The following FBLN2 variants were observed in gnomAD, a reference collection of about 807,000 sequenced individuals.
The protein encoded by FBLN2 is fibulin 2, also known as fibulin-2.
FBLN2 carries 81 observed loss-of-function variants against 123.7 expected under a neutral mutation model. That is an observed-to-expected ratio of 0.65 (90% CI 0.55 to 0.79). FBLN2 has a LOEUF of 0.79. FBLN2 is among the 30% of genes least tolerant of loss of function. FBLN2 has a pLI of 0.00. For synonymous variants in FBLN2, 699 were observed against 701.4 expected (o/e 1.00, Z 0.05); for missense variants, 1,603 against 1,681.3 (o/e 0.95, Z 0.81).
At chr3:13,609,688 G>GGCC in intron 4 of FBLN2, 46 bp downstream of exon 4, 2 of 512,604 alleles carry the variant, frequency 3.9e-6, no homozygotes, top group Non-Finnish European at 7.2e-6. Flanking sequence ...GTGGGGCGGG[G>GGCC]CGGGAGGCTG....
chr3:13,586,082 G>A (rs938925176), intron 2 of FBLN2, among the ~76,000 whole-genome samples: 1 of 152,194 alleles, frequency 6.6e-6, no homozygotes, highest in Non-Finnish European at 1.5e-5. Flanking sequence ...CCCTTAAGAC[G>A]TCCCAGCGGG....
chr3:13,637,204 A>G (rs1306146015), intron 17 of FBLN2, among the ~76,000 whole-genome samples: 1 of 152,156 alleles, frequency 6.6e-6, no homozygotes, highest in East Asian at 1.9e-4. Context: ...TGCACTGGGA[A>G]GAAGGGAGAA....
chr3:13,596,474 A>T (rs544827158), intron 2 of FBLN2, among the ~76,000 whole-genome samples: 2 of 152,360 alleles, frequency 1.3e-5, no homozygotes, highest in African/African-American at 4.8e-5. Flanking sequence ...TCATGGGAGC[A>T]TCTCATCTAT....
At position 13,571,411 on chromosome 3, in the gene FBLN2, G is replaced by A. The variant is rs746188528; in HGVS notation, c.1056G>A (p.Gly352=). Residue 352 remains glycine (G), a synonymous_variant, in exon 2 of 18, where the codon GGG becomes GGA. Transcript: ENST00000404922. ...CCCAAGCCACGTCCCGCAGCACTGG[G>A]CCGGAGGGCGTGACGCATGCACCGA... The part of the protein sequence containing the change: ...LDAQATSRST[G]PEGVTHAPSL... 14 of 1,612,820 alleles carry A rather than the reference G, an allele frequency of 8.7e-6. No homozygotes were observed. In the South Asian group the frequency reaches 8.8e-5, roughly 10 times the overall value.
intron 2 of FBLN2, among the ~76,000 whole-genome samples, chr3:13,580,127 G>T (rs957521228): frequency 6.6e-6 from 1 of 152,186 alleles, no homozygotes; most frequent in Non-Finnish European, 1.5e-5. Context: ...TTGTTCCCCG[G>T]CTGGGGGCAT....
intron 2 of FBLN2, among the ~76,000 whole-genome samples, chr3:13,576,566 A>T (rs1310442022): frequency 6.6e-6 from 1 of 152,220 alleles, no homozygotes; most frequent in Non-Finnish European, 1.5e-5. Context: ...AGGCACAAAG[A>T]TTCAGGAAGG....
chr3:13,575,071 G>A (rs1704092086), intron 2 of FBLN2, among the ~76,000 whole-genome samples: 1 of 152,250 alleles, frequency 6.6e-6, no homozygotes. Context: ...CGGGTGGGCT[G>A]AGGACAGACG....
At position 13,581,688 on chromosome 3, in the gene FBLN2, A is replaced by C. The variant is rs192321794; in HGVS notation, c.1306+10027A>C. Among the ~76,000 whole-genome samples, 234 of 152,260 alleles carry C rather than the reference A, an allele frequency of 1.5e-3. 2 individuals are homozygous for C. Among genetic ancestry groups the C allele is most frequent in the Middle Eastern group, 6.8e-3 (2 of 294 alleles). On this transcript the variant is annotated intron_variant, in intron 2 of 17. Transcript: ENST00000404922. Reference sequence around the variant, plus strand: ...TGGGGATTAAGGAGGGGGAGAATGCAGGCGGTCAGTTCAGTGGGTGCCCCC... The same window carrying C: ...TGGGGATTAAGGAGGGGGAGAATGCCGGCGGTCAGTTCAGTGGGTGCCCCC...
chr3:13,588,867 G>A (rs1704586293), intron 2 of FBLN2, among the ~76,000 whole-genome samples: 1 of 152,128 alleles, frequency 6.6e-6, no homozygotes, highest in South Asian at 2.1e-4. Context: ...ACGTATGATG[G>A]GCTGGAAATT....
chr3:13,609,687 G>GGGGGGT, intron 4 of FBLN2, 45 bp downstream of exon 4: 1 of 463,680 alleles, frequency 2.2e-6, no homozygotes, highest in Non-Finnish European at 4.3e-6. Flanking sequence ...GGTGGGGCGG[G>GGGGGGT]GCGGGAGGCT....
chr3:13,553,976 T>C lies in FBLN2; in HGVS notation c.-42+4768T>C, dbSNP rs531324726. On this transcript the variant is annotated intron_variant, in intron 1 of 17. Transcript: ENST00000404922. ...GAAACAGGAGGAGGGCTCTGAAGTGTGATGAGGCCCAGCTGGGCGCGTGGG... is the reference window on the plus strand; with the variant it reads ...GAAACAGGAGGAGGGCTCTGAAGTGCGATGAGGCCCAGCTGGGCGCGTGGG... Among the ~76,000 whole-genome samples, 23 of 152,276 alleles carry C rather than the reference T, an allele frequency of 1.5e-4. No homozygotes were observed. In the East Asian group the frequency reaches 4.3e-3, roughly 28 times the overall value.
rs1344987411 is a variant in FBLN2 at position 13,609,469 on chromosome 3, G to A, written c.1419-44G>A. On this transcript the variant is annotated intron_variant, in intron 3 of 17. Coordinates refer to ENST00000404922, the MANE Select transcript of FBLN2 (RefSeq NM_001004019.2). Reference sequence around the variant, plus strand: ...CCTCACTCACTTTCCACTCTGGGAGGATGAGGTGGGCGACTGGGGGCTAAG... The same window carrying A: ...CCTCACTCACTTTCCACTCTGGGAGAATGAGGTGGGCGACTGGGGGCTAAG... 9 of 1,514,608 alleles carry A rather than the reference G, an allele frequency of 5.9e-6. No homozygotes were observed. The South Asian group carries it at 8.9e-5, about 15-fold the overall frequency. 93.8% of individuals were successfully genotyped at this position (1,514,608 alleles called of 1,614,324 possible).
intron 1 of FBLN2, among the ~76,000 whole-genome samples, chr3:13,567,882 C>T (rs34416044): frequency 0.032 from 4,924 of 152,206 alleles, 267 homozygotes; most frequent in African/African-American, 0.11. Context: ...CGCTTGAGCT[C>T]GGGAGGTTGA....
At chr3:13,607,895 C>G (rs913576807) in intron 2 of FBLN2, among the ~76,000 whole-genome samples, 167 bp from the exon 3 acceptor site, 1 of 152,180 alleles carries the variant, frequency 6.6e-6, no homozygotes, top group Non-Finnish European at 1.5e-5. Context: ...ACCTCGCAGA[C>G]AGTTCACCAA....
At chr3:13,612,372 CTCTG>C (rs201910468) in intron 4 of FBLN2, among the ~76,000 whole-genome samples, 5,689 of 101,920 alleles carry the variant, frequency 0.056, 402 homozygotes, top group African/African-American at 0.24. Context: ...CTGTCTGTCT[CTCTG>C]TCTGTCTGTC....
intron 1 of FBLN2, among the ~76,000 whole-genome samples, chr3:13,568,226 G>T (rs769039878): frequency 6.6e-6 from 1 of 152,156 alleles, no homozygotes; most frequent in African/African-American, 2.4e-5. Flanking sequence ...CTCCCTGCCC[G>T]TCCATGGCCC....
At chr3:13,587,531 C>T (rs531819105) in intron 2 of FBLN2, among the ~76,000 whole-genome samples, 50 of 152,122 alleles carry the variant, frequency 3.3e-4, no homozygotes, top group Non-Finnish European at 6.8e-4. Context: ...AAATAAAATT[C>T]TAAGGCCCCC....
chr3:13,605,592 TC>T lies in FBLN2; in HGVS notation c.1307-2468del, dbSNP rs1220052161. Reference sequence around the variant, plus strand: ...GTAGCATGGCCCCAGATTTTCCTCATCCTCCCCCCCAGTGATGGACACCCAG... The same window carrying T: ...GTAGCATGGCCCCAGATTTTCCTCATCTCCCCCCCAGTGATGGACACCCAG... On this transcript the variant is annotated intron_variant, in intron 2 of 17. Coordinates refer to ENST00000404922, the MANE Select transcript of FBLN2 (RefSeq NM_001004019.2). Among the ~76,000 whole-genome samples the T allele has an allele frequency of 3.3e-5, 5 of 152,212 alleles. No individual in the cohort carries two copies. The East Asian group carries it at 9.7e-4, about 29-fold the overall frequency.
chr3:13,586,864 T>C (rs943355540), intron 2 of FBLN2, among the ~76,000 whole-genome samples: 3 of 150,124 alleles, frequency 2.0e-5, no homozygotes, highest in Non-Finnish European at 4.4e-5. Flanking sequence ...AAATTGAAAA[T>C]AGGCTGGGTG....
Sources: allele counts gnomAD v4.1 joint callset (sites outside exome capture counted in the v4.1 genomes callset), GRCh38; gene constraint gnomAD v4.1.1; transcripts MANE v1.5; gene names NCBI Gene and HGNC (gene_info 2026-07-23, HGNC 2026-07-21).